The following NTF3 variants were observed in gnomAD, a reference collection of about 807,000 sequenced individuals.
The protein encoded by NTF3 is neurotrophin 3.
NTF3 carries 8 observed loss-of-function variants against 26.3 expected under a neutral mutation model. The observed-to-expected ratio is 0.30, with a 90% CI of 0.18 to 0.55. The LOEUF (loss-of-function observed/expected upper bound fraction) is 0.55. NTF3 is among the 20% of genes least tolerant of loss of function. NTF3 has a pLI of 0.93. For missense variants in NTF3, 276 were observed against 352.9 expected, an observed-to-expected ratio of 0.78 and a Z score of 1.75; for synonymous variants, 154 against 145.5, an observed-to-expected ratio of 1.06 and a Z score of -0.42.
chr12:5,442,346 C>G (rs1400893801), intron 1 of NTF3, among the ~76,000 whole-genome samples: 1 of 152,152 alleles, frequency 6.6e-6, no homozygotes, highest in African/African-American at 2.4e-5. Context: ...GATGGATGCT[C>G]AGAGACCATT....
At chr12:5,478,766 AG>A (rs1385798754) in intron 1 of NTF3, among the ~76,000 whole-genome samples, 1 of 152,264 alleles carries the variant, frequency 6.6e-6, no homozygotes, top group Non-Finnish European at 1.5e-5. Flanking sequence ...ACATTGGTCC[AG>A]GGGCAGAAGA....
intron 1 of NTF3, among the ~76,000 whole-genome samples, chr12:5,460,827 T>A (rs578019132): frequency 1.4e-4 from 22 of 152,222 alleles, no homozygotes; most frequent in Admixed American, 1.3e-3. Context: ...ATTTGATTCC[T>A]TGGCAGAGAG....
intron 1 of NTF3, among the ~76,000 whole-genome samples, chr12:5,470,816 C>T (rs1940655433): frequency 6.6e-6 from 1 of 152,208 alleles, no homozygotes; most frequent in Non-Finnish European, 1.5e-5. Flanking sequence ...GAACATGCCA[C>T]CCAGCCTGCA....
chr12:5,483,244 T>C (rs1335708176), intron 1 of NTF3, among the ~76,000 whole-genome samples: 1 of 152,046 alleles, frequency 6.6e-6, no homozygotes, highest in African/African-American at 2.4e-5. Context: ...ACCCACTTAC[T>C]TGAAGTCTCC....
intron 1 of NTF3, among the ~76,000 whole-genome samples, chr12:5,463,243 G>A (rs950321664): frequency 3.3e-5 from 5 of 152,174 alleles, no homozygotes; most frequent in African/African-American, 1.2e-4. Context: ...AGATACTAGT[G>A]ACTTCAAAAT....
At chr12:5,486,522 G>A (rs549321722) in intron 1 of NTF3, among the ~76,000 whole-genome samples, 4 of 152,158 alleles carry the variant, frequency 2.6e-5, no homozygotes, top group African/African-American at 7.2e-5. Flanking sequence ...CCTTGTAATG[G>A]TATCACTTAC....
At chr12:5,483,321 C>T (rs567995159) in intron 1 of NTF3, among the ~76,000 whole-genome samples, 7 of 152,172 alleles carry the variant, frequency 4.6e-5, no homozygotes, top group Non-Finnish European at 7.3e-5. Context: ...GGCTTGCAGA[C>T]CCTCTTCTGG....
chr12:5,441,592 A>C (rs1389778086), intron 1 of NTF3, among the ~76,000 whole-genome samples: 6 of 152,200 alleles, frequency 3.9e-5, no homozygotes. Flanking sequence ...CATTCCTAGA[A>C]TGTGACTTCA....
chr12:5,463,111 C>T, intron 1 of NTF3, among the ~76,000 whole-genome samples: 1 of 152,110 alleles, frequency 6.6e-6, no homozygotes. Flanking sequence ...TTCTTCAAGA[C>T]AATATTAGAC....
intron 1 of NTF3, among the ~76,000 whole-genome samples, chr12:5,437,536 C>T (rs1940183624): frequency 1.3e-5 from 2 of 152,272 alleles, no homozygotes; most frequent in Admixed American, 6.5e-5. Flanking sequence ...TACAGCACTC[C>T]CACCCCAACT....
chr12:5,494,237 T>G lies in NTF3; in HGVS notation c.62T>G (p.Ile21Arg). The G allele has an allele frequency of 6.2e-7, 1 of 1,614,110 alleles. No homozygotes were observed. The highest frequency in any genetic ancestry group is 1.3e-5 in the African/African-American group (1 of 75,052). Residue 21 changes from isoleucine to arginine, a missense_variant, in exon 2 of 2, where the codon ATA becomes AGA. Transcript: ENST00000423158. This position sits in a 1 kb window ranked among gnomAD's most constrained non-coding sequence, Gnocchi z 8.3. ...GTGATGTCCATCTTGTTTTATGTGA[T>G]ATTTCTCGCTTATCTCCGTGGCATC... ...NKVMSILFYV[I>R]FLAYLRGIQG...
chr12:5,430,604 C>T (rs1252661640), upstream of NTF3, among the ~76,000 whole-genome samples: 1 of 151,450 alleles, frequency 6.6e-6, no homozygotes, highest in Non-Finnish European at 1.5e-5. Flanking sequence ...CTTCCCACCT[C>T]CCCATCCAAC....
intron 1 of NTF3, among the ~76,000 whole-genome samples, chr12:5,471,372 A>G (rs894749634): frequency 2.0e-5 from 3 of 152,180 alleles, no homozygotes; most frequent in African/African-American, 7.2e-5. Context: ...AACCAATACT[A>G]TGTTGAAATG....
intron 1 of NTF3, among the ~76,000 whole-genome samples, chr12:5,434,039 A>G (rs1940135491): frequency 1.3e-5 from 2 of 152,178 alleles, no homozygotes; most frequent in Non-Finnish European, 2.9e-5. Flanking sequence ...GGATGGGAGA[A>G]AGTTGTAACA....
At chr12:5,458,299 C>T (rs190724280) in intron 1 of NTF3, among the ~76,000 whole-genome samples, 31 of 152,266 alleles carry the variant, frequency 2.0e-4, no homozygotes, top group Middle Eastern at 3.4e-3. Context: ...TGAGCATGAC[C>T]GCCTCTGGGA....
intron 1 of NTF3, among the ~76,000 whole-genome samples, chr12:5,445,288 A>ATG (rs200578458): frequency 0.093 from 9,400 of 101,430 alleles, 516 homozygotes; most frequent in East Asian, 0.18. Context: ...GGATTAAATG[A>ATG]TGTGTGTGTG....
intron 1 of NTF3, among the ~76,000 whole-genome samples, chr12:5,482,088 C>T (rs2121237185): frequency 6.6e-6 from 1 of 152,212 alleles, no homozygotes; most frequent in Non-Finnish European, 1.5e-5. Context: ...CAGTCATACA[C>T]AGGCACTACA....
chr12:5,443,275 C>T (rs1211338030), intron 1 of NTF3, among the ~76,000 whole-genome samples: 1 of 152,282 alleles, frequency 6.6e-6, no homozygotes, highest in Middle Eastern at 3.4e-3. Context: ...CCCCCCATCC[C>T]CGACCCTGCA....
chr12:5,444,382 G>C (rs1284603819), intron 1 of NTF3, among the ~76,000 whole-genome samples: 2 of 152,232 alleles, frequency 1.3e-5, no homozygotes, highest in Admixed American at 1.3e-4. Context: ...AATGTGGAGA[G>C]AGAGCAGGAG....
Sources: allele counts gnomAD v4.1 joint callset (sites outside exome capture counted in the v4.1 genomes callset), GRCh38; gene constraint gnomAD v4.1.1; non-coding constraint Gnocchi (gnomAD v3.1); transcripts MANE v1.5; gene names NCBI Gene and HGNC (gene_info 2026-07-23, HGNC 2026-07-21).